The following COQ7 variants were observed in gnomAD, a reference collection of about 807,000 sequenced individuals.
COQ7 encodes NADPH-dependent 3-demethoxyubiquinone 3-hydroxylase, mitochondrial.
Under a neutral mutation model 25.0 loss-of-function variants are expected in COQ7, and 21 were observed. That is an observed-to-expected ratio of 0.84 (90% CI 0.60 to 1.21). COQ7 has a LOEUF of 1.21. COQ7 is among the 50% of genes most tolerant of loss of function. The pLI is 0.00. For missense variants in COQ7, 311 were observed against 296.2 expected (o/e 1.05, Z -0.37); for synonymous variants, 125 against 112.4 (o/e 1.11, Z -0.71).
Position 19,077,918 on chromosome 16 carries a change from G to A in COQ7, c.577-163G>A, listed in dbSNP as rs115922124. On this transcript the variant is annotated intron_variant, in intron 5 of 5. Transcript: ENST00000321998. ...CCAATGCTTTGGCAGTAGTAGCAGA[G>A]GCATTCCGACCTTTTGAATAGCTTT... Among the ~76,000 whole-genome samples, 559 of 152,190 alleles carry A rather than the reference G, an allele frequency of 3.7e-3. 3 individuals carry two copies. The highest frequency in any genetic ancestry group is 0.012 in the African/African-American group (511 of 41,522).
chr16:19,067,686 G>A lies in COQ7; in HGVS notation c.22G>A (p.Ala8Thr). ...GGCAATGAGTTGCGCCGGGGCGGCG[G>A]CGGCTCCCCGCCTTTGGCGGCTGCG... MSCAGAA[A>T]APRLWRLRPG... The change falls in exon 1 of 6, where the codon GCG becomes ACG. Residue 8 changes from alanine to threonine, a missense_variant. Ala to Thr is a moderately conservative substitution (Grantham distance 58). Transcript: ENST00000321998. 1 of 1,610,334 alleles carries A rather than the reference G, an allele frequency of 6.2e-7. No individual in the cohort carries two copies. The highest frequency in any genetic ancestry group is 1.3e-5 in the African/African-American group (1 of 74,938).
chr16:19,081,771 T>A (rs1029810406), downstream of COQ7, among the ~76,000 whole-genome samples: 1 of 152,242 alleles, frequency 6.6e-6, no homozygotes, highest in Admixed American at 6.5e-5. Context: ...CTGGAGAGTT[T>A]CAAAACTTAT....
chr16:19,082,179 T>C (rs1567544887), downstream of COQ7, among the ~76,000 whole-genome samples: 1 of 152,140 alleles, frequency 6.6e-6, no homozygotes. Context: ...AGGAATAAAG[T>C]AGTGATACAT....
chr16:19,071,089 A>T (rs925315647), intron 1 of COQ7, among the ~76,000 whole-genome samples: 1 of 152,170 alleles, frequency 6.6e-6, no homozygotes, highest in African/African-American at 2.4e-5. Flanking sequence ...TCAAAATCGA[A>T]TGCCCAACGG....
At chr16:19,081,204 C>T (rs1031862058), downstream of COQ7, among the ~76,000 whole-genome samples, 1 of 152,068 alleles carries the variant, frequency 6.6e-6, no homozygotes, top group Non-Finnish European at 1.5e-5. Flanking sequence ...GTATTTGTTC[C>T]TCTGCTGGTT....
At chr16:19,074,439 C>T (rs1293369353) in intron 3 of COQ7, among the ~76,000 whole-genome samples, 1 of 151,974 alleles carries the variant, frequency 6.6e-6, no homozygotes, top group Middle Eastern at 3.4e-3. Context: ...GCCAGAGAAT[C>T]GCTTGAACCT....
At chr16:19,076,277 A>G (rs1029881791) in intron 4 of COQ7, among the ~76,000 whole-genome samples, 8 of 75,516 alleles carry the variant, frequency 1.1e-4, no homozygotes, top group Non-Finnish European at 2.2e-4. Flanking sequence ...TTTTTTTTTT[A>G]AGAGATGGGG....
chr16:19,072,763 A>G, intron 2 of COQ7, among the ~76,000 whole-genome samples: 1 of 152,114 alleles, frequency 6.6e-6, no homozygotes, highest in Non-Finnish European at 1.5e-5. Context: ...CTTCACAGGG[A>G]TTGTGTGGAT....
Position 19,079,320 on chromosome 16 carries a change from T to G in COQ7, c.*1162T>G, listed in dbSNP as rs1963021445. The G allele has an allele frequency of 6.6e-6, 1 of 152,144 alleles. No homozygotes were observed. Among genetic ancestry groups the G allele is most frequent in the Non-Finnish European group, 1.5e-5 (1 of 68,016 alleles). 9.4% of individuals were successfully genotyped at this position (152,144 alleles called of 1,614,324 possible). ...AACAGACTAAGACGGGGGTGTTGCT[T>G]CCATCAAAGGATGTACTAAGTTGTG... On this transcript the variant is annotated 3_prime_UTR_variant, in exon 6 of 6. Transcript: ENST00000321998.
intron 1 of COQ7, chr16:19,068,716 G>T: frequency 4.1e-6 from 1 of 242,282 alleles, no homozygotes; most frequent in Non-Finnish European, 8.6e-6. Context: ...TTAAATTACC[G>T]TGTACCACTT....
chr16:19,071,865 G>C, intron 1 of COQ7, 63 bp from the exon 2 acceptor site: 2 of 1,590,904 alleles, frequency 1.3e-6, no homozygotes, highest in Non-Finnish European at 1.7e-6. Flanking sequence ...CCTTTCTGCT[G>C]TCTGTAAAAG....
chr16:19,071,352 T>G (rs1184360937), intron 1 of COQ7, among the ~76,000 whole-genome samples: 1 of 152,224 alleles, frequency 6.6e-6, no homozygotes, highest in Non-Finnish European at 1.5e-5. Flanking sequence ...GCGAGGCTGG[T>G]CTCAAACTCC....
intron 5 of COQ7, among the ~76,000 whole-genome samples, chr16:19,077,604 T>TTTTTTTTTTTTTTTTTTTC (rs1555522742): frequency 4.9e-5 from 7 of 143,718 alleles, no homozygotes; most frequent in African/African-American, 7.7e-5. Context: ...TTTTTTTTTT[T>TTTTTTTTTTTTTTTTTTTC]CCCAGACACA....
In COQ7 at chr16:19,072,095, C is replaced by T; in HGVS notation, c.241C>T (p.Pro81Ser). 1 of 1,614,066 alleles carries T rather than the reference C, an allele frequency of 6.2e-7. No homozygotes were observed. Among genetic ancestry groups the T allele is most frequent in the African/African-American group, 1.3e-5 (1 of 75,012 alleles). Residue 81 changes from proline to serine, a missense_variant, in exon 2 of 6, where the codon CCA becomes TCA. Physicochemically the swap from Pro to Ser is moderately conservative, Grantham distance 74 (BLOSUM62 -1). Coordinates refer to ENST00000321998, the MANE Select transcript of COQ7 (RefSeq NM_016138.5). ...TGTCCTGGGTCGGACCAGCGTCGGG[C>T]CAGTCATTCAGGTGGGTGCTTCTTC... ...MAVLGRTSVG[P>S]VIQKMWDQEK...
Position 19,067,713 on chromosome 16 carries a change from C to T in COQ7, c.49C>T (p.Pro17Ser), listed in dbSNP as rs781712269. ...GGCTCCCCGCCTTTGGCGGCTGCGC[C>T]CGGGGGCCCGGCGGTCCCTCTCAGG... Reference protein sequence around the residue: ...AAAPRLWRLRPGARRSLSAYG... With the variant: ...AAAPRLWRLRSGARRSLSAYG... Residue 17 changes from proline (P) to serine (S), a missense_variant, in exon 1 of 6, where the codon CCG becomes TCG. Coordinates refer to ENST00000321998, the MANE Select transcript of COQ7 (RefSeq NM_016138.5). 5 of 1,606,946 alleles carry T rather than the reference C, an allele frequency of 3.1e-6. No individual in the cohort carries two copies. Among genetic ancestry groups the T allele is most frequent in the African/African-American group, 1.3e-5 (1 of 74,618 alleles).
chr16:19,081,345 T>C (rs1456981837), downstream of COQ7, among the ~76,000 whole-genome samples: 2 of 152,178 alleles, frequency 1.3e-5, no homozygotes, highest in African/African-American at 2.4e-5. Context: ...CAGTTTCTGA[T>C]AGAAGGGTGT....
intron 1 of COQ7, chr16:19,068,376 G>T (rs1962354003): frequency 1.0e-6 from 1 of 989,014 alleles, no homozygotes; most frequent in South Asian, 4.5e-5. Flanking sequence ...ATGAGCCCGG[G>T]CGCGGTGGCT....
intron 4 of COQ7, among the ~76,000 whole-genome samples, chr16:19,076,792 A>G (rs1423234612): frequency 6.6e-6 from 1 of 151,804 alleles, no homozygotes; most frequent in Non-Finnish European, 1.5e-5. Flanking sequence ...GGGTTTCACC[A>G]TGTTGGCCAG....
intron 3 of COQ7, 83 bp downstream of exon 3, chr16:19,074,118 G>A: frequency 9.6e-7 from 1 of 1,046,528 alleles, no homozygotes; most frequent in Non-Finnish European, 1.4e-6. Context: ...CACAATTCTT[G>A]CTGTGTCCTC....
Sources: gnomAD v4.1 joint callset for allele counts (sites outside exome capture counted in the v4.1 genomes callset) on GRCh38, gnomAD v4.1.1 for gene constraint, MANE v1.5 for transcripts, NCBI Gene and HGNC (gene_info 2026-07-23, HGNC 2026-07-21) for gene names.